Variants in KLHL29 observed in about 807,000 individuals in gnomAD.
KLHL29 encodes kelch-like protein 29.
In KLHL29, 21 loss-of-function variants were observed where a neutral mutation model predicts 80.4. The observed-to-expected ratio is 0.26, with a 90% CI of 0.19 to 0.38. The LOEUF (loss-of-function observed/expected upper bound fraction) is 0.38, where lower values mean the gene tolerates loss of function less well. KLHL29 is among the 10% of genes least tolerant of loss of function. The probability of loss-of-function intolerance (pLI) is 1.00; values close to 1 mark genes in which losing one functional copy is unlikely to be tolerated. For missense variants in KLHL29, 867 were observed against 1,223.9 expected, an observed-to-expected ratio of 0.71 and a Z score of 4.35; for synonymous variants, 511 against 526.8, an observed-to-expected ratio of 0.97 and a Z score of 0.41.
At chr2:23,635,287 C>A (rs1452601786) in intron 3 of KLHL29, among the ~76,000 whole-genome samples, 1 of 152,212 alleles carries the variant, frequency 6.6e-6, no homozygotes, top group Non-Finnish European at 1.5e-5. Flanking sequence ...GAGTGTCAGC[C>A]CCTTGCCCTC....
intron 1 of KLHL29, among the ~76,000 whole-genome samples, chr2:23,456,815 C>G (rs1036702253): frequency 3.3e-5 from 5 of 152,212 alleles, no homozygotes; most frequent in African/African-American, 1.2e-4. Context: ...GGATGGCAGC[C>G]CTTGTGGGGT....
intron 3 of KLHL29, among the ~76,000 whole-genome samples, chr2:23,565,947 A>C (rs1050470631): frequency 6.6e-6 from 1 of 152,172 alleles, no homozygotes; most frequent in Non-Finnish European, 1.5e-5. Context: ...GGGGCATCCC[A>C]TGCCATCACC....
chr2:23,486,256 G>A (rs1002911000), intron 2 of KLHL29, among the ~76,000 whole-genome samples: 1 of 151,922 alleles, frequency 6.6e-6, no homozygotes, highest in African/African-American at 2.4e-5. Context: ...ATTTCATTTA[G>A]CCCCTCACCC....
Position 23,696,285 on chromosome 2 carries a change from G to C in KLHL29, c.1925-48G>C. 1.3e-6 allele frequency: 2 copies of C among 1,534,330 alleles called. No individual in the cohort carries two copies. The highest frequency in any genetic ancestry group is 1.8e-6 in the Non-Finnish European group (2 of 1,133,140). On this transcript the variant is annotated intron_variant, in intron 10 of 13. Coordinates refer to ENST00000486442, the MANE Select transcript of KLHL29 (RefSeq NM_052920.2). The surrounding 1 kb of genome is among the most constrained non-coding windows in gnomAD (Gnocchi z 5.5). The stretch of plus-strand genomic sequence containing the variant: ...CTGGGGCTGGGCCTGCTGACCCCAG[G>C]CCCCTCCTCACCCCGCCCGCTCTCT...
chr2:23,389,645 T>G, intron 1 of KLHL29, among the ~76,000 whole-genome samples: 1 of 150,832 alleles, frequency 6.6e-6, no homozygotes, highest in African/African-American at 2.4e-5. Context: ...CAGTGAACAG[T>G]GATCACGCCA....
At chr2:23,423,265 C>T (rs1223545146) in intron 1 of KLHL29, among the ~76,000 whole-genome samples, 2 of 152,208 alleles carry the variant, frequency 1.3e-5, no homozygotes, top group African/African-American at 4.8e-5. Context: ...CAGGGCAATT[C>T]TGGGGCCACC....
chr2:23,415,135 C>T (rs1181480287), intron 1 of KLHL29, among the ~76,000 whole-genome samples: 1 of 152,194 alleles, frequency 6.6e-6, no homozygotes, highest in Non-Finnish European at 1.5e-5. Context: ...TGCAGTTCTG[C>T]GCTCTCCCCA....
At chr2:23,465,173 C>T (rs1034944213) in intron 1 of KLHL29, among the ~76,000 whole-genome samples, 2 of 152,192 alleles carry the variant, frequency 1.3e-5, no homozygotes, top group Non-Finnish European at 2.9e-5. Context: ...CAGGGTATGG[C>T]CCCCTCTCAC....
chr2:23,483,605 C>T (rs1192424817), intron 2 of KLHL29, among the ~76,000 whole-genome samples: 3 of 152,316 alleles, frequency 2.0e-5, no homozygotes, highest in East Asian at 1.9e-4. Context: ...TAAAGATAGA[C>T]GATTTATGTT....
chr2:23,466,574 G>A (rs1175701903), intron 1 of KLHL29, among the ~76,000 whole-genome samples: 2 of 152,200 alleles, frequency 1.3e-5, no homozygotes, highest in East Asian at 3.8e-4. Flanking sequence ...CTCCCCTACC[G>A]TGTGTGGGCC....
chr2:23,437,043 ACT>A (rs1663364600), intron 1 of KLHL29, among the ~76,000 whole-genome samples: 1 of 152,126 alleles, frequency 6.6e-6, no homozygotes, highest in Non-Finnish European at 1.5e-5. Flanking sequence ...CAAGATCCAG[ACT>A]CTCTGATAAT....
chr2:23,642,923 C>T (rs987061604), intron 5 of KLHL29, 73 bp downstream of exon 5: 27 of 1,508,932 alleles, frequency 1.8e-5, no homozygotes, highest in African/African-American at 1.1e-4. Context: ...GCAACACCAC[C>T]GGGACAGGGG....
intron 2 of KLHL29, among the ~76,000 whole-genome samples, chr2:23,529,523 G>C (rs540929159): frequency 1.3e-5 from 2 of 152,304 alleles, no homozygotes; most frequent in South Asian, 2.1e-4. Flanking sequence ...GAGAGCAGGG[G>C]TCATGGTTTT....
At chr2:23,465,184 T>G (rs1474660489) in intron 1 of KLHL29, among the ~76,000 whole-genome samples, 1 of 152,104 alleles carries the variant, frequency 6.6e-6, no homozygotes, top group African/African-American at 2.4e-5. Flanking sequence ...CCCCTCTCAC[T>G]CAGAAGGGTC....
chr2:23,576,641 T>A (rs144853066), intron 3 of KLHL29, among the ~76,000 whole-genome samples: 237 of 152,334 alleles, frequency 1.6e-3, no homozygotes, highest in African/African-American at 5.7e-3. Context: ...CCCATTGATC[T>A]GACCACTCAC....
intron 3 of KLHL29, among the ~76,000 whole-genome samples, chr2:23,564,490 CTTGT>C (rs1262724542): frequency 3.9e-5 from 6 of 152,226 alleles, no homozygotes; most frequent in Admixed American, 3.9e-4. Context: ...CCTGCAGGGG[CTTGT>C]TTGATTCCCC....
intron 1 of KLHL29, among the ~76,000 whole-genome samples, chr2:23,436,391 T>C (rs1049573342): frequency 6.6e-6 from 1 of 151,406 alleles, no homozygotes; most frequent in African/African-American, 2.4e-5. Flanking sequence ...AAGCCATCTT[T>C]GAGAGCCACA....
chr2:23,535,473 T>C (rs888318752), intron 2 of KLHL29, among the ~76,000 whole-genome samples: 4 of 152,234 alleles, frequency 2.6e-5, no homozygotes, highest in Non-Finnish European at 5.9e-5. Flanking sequence ...TTATTCACAA[T>C]AGCCAAAAGG....
At chr2:23,407,191 ATACTG>A (rs1329668018) in intron 1 of KLHL29, among the ~76,000 whole-genome samples, 9 of 152,234 alleles carry the variant, frequency 5.9e-5, no homozygotes, top group Non-Finnish European at 1.3e-4. Context: ...TTGCAATGAA[ATACTG>A]ATGAACAAAT....
Sources: gnomAD v4.1 joint callset for allele counts (sites outside exome capture counted in the v4.1 genomes callset) on GRCh38, gnomAD v4.1.1 for gene constraint, Gnocchi (gnomAD v3.1) non-coding constraint, MANE v1.5 for transcripts, NCBI Gene and HGNC (gene_info 2026-07-23, HGNC 2026-07-21) for gene names.